EEA1: variants seen among roughly 807,000 people sequenced by gnomAD.
EEA1 encodes the protein early endosome antigen 1, 162kD.
In EEA1, 111 loss-of-function variants were observed where a neutral mutation model predicts 209.2. The observed-to-expected ratio is 0.53, with a 90% CI of 0.45 to 0.62. The LOEUF is 0.62. EEA1 is among the 20% of genes least tolerant of loss of function. The pLI, the probability that EEA1 is intolerant of heterozygous loss-of-function variation, is 0.00. For synonymous variants in EEA1, 536 were observed against 540.6 expected, an observed-to-expected ratio of 0.99 and a Z score of 0.12; for missense variants, 1,343 against 1,530.8, an observed-to-expected ratio of 0.88 and a Z score of 2.05.
intron 1 of EEA1, among the ~76,000 whole-genome samples, chr12:92,919,321 G>T (rs1207831539): frequency 6.8e-6 from 1 of 147,702 alleles, no homozygotes; most frequent in Non-Finnish European, 1.5e-5. Flanking sequence ...CAATATCCTT[G>T]ATGAACATTG....
At chr12:92,811,839 A>C (rs1220525777) in intron 16 of EEA1, among the ~76,000 whole-genome samples, 1 of 151,824 alleles carries the variant, frequency 6.6e-6, no homozygotes, top group Non-Finnish European at 1.5e-5. Context: ...TTTTCAATTC[A>C]TTTGGAATAT....
chr12:92,794,381 T>C (rs1874554706), intron 21 of EEA1, among the ~76,000 whole-genome samples: 1 of 152,130 alleles, frequency 6.6e-6, no homozygotes, highest in Non-Finnish European at 1.5e-5. Flanking sequence ...CATTACTGGG[T>C]AAATATCCAA....
intron 2 of EEA1, among the ~76,000 whole-genome samples, chr12:92,881,502 G>A (rs1043132533): frequency 1.3e-5 from 2 of 152,122 alleles, no homozygotes; most frequent in African/African-American, 4.8e-5. Flanking sequence ...ACATCTGGAG[G>A]TCAGTTGAAG....
intron 9 of EEA1, among the ~76,000 whole-genome samples, chr12:92,847,233 G>A (rs1044968931): frequency 2.6e-5 from 4 of 152,156 alleles, no homozygotes; most frequent in Non-Finnish European, 5.9e-5. Context: ...GGGATTACAG[G>A]TGTGAGCCAC....
intron 2 of EEA1, among the ~76,000 whole-genome samples, chr12:92,882,330 A>T (rs1324505607): frequency 6.6e-6 from 1 of 150,928 alleles, no homozygotes; most frequent in Non-Finnish European, 1.5e-5. Context: ...CTGGTCTCAA[A>T]CTCCTGACCT....
At chr12:92,863,418 T>G (rs3782352) in intron 3 of EEA1, among the ~76,000 whole-genome samples, 39,231 of 152,104 alleles carry the variant, frequency 0.26, 5,568 homozygotes, top group Non-Finnish European at 0.32. Flanking sequence ...CTACCAGCTT[T>G]TGAGGAAGTC....
chr12:92,792,713 C>A (rs1050776698), intron 21 of EEA1, among the ~76,000 whole-genome samples: 1 of 152,150 alleles, frequency 6.6e-6, no homozygotes, highest in African/African-American at 2.4e-5. Flanking sequence ...CAAAGAGGAG[C>A]TGGTACCATT....
At chr12:92,914,829 A>G (rs1218027455) in intron 1 of EEA1, among the ~76,000 whole-genome samples, 2 of 151,874 alleles carry the variant, frequency 1.3e-5, no homozygotes, top group Non-Finnish European at 2.9e-5. Context: ...ACGACCAACT[A>G]ATTTTTGTCT....
intron 1 of EEA1, 28 bp downstream of exon 1, chr12:92,929,015 T>C: frequency 6.3e-7 from 1 of 1,584,062 alleles, no homozygotes; most frequent in Non-Finnish European, 8.6e-7. Context: ...GCTCACGTGC[T>C]GCCAGAAAGA....
intron 1 of EEA1, among the ~76,000 whole-genome samples, chr12:92,897,848 C>T (rs1055594486): frequency 2.0e-5 from 3 of 152,120 alleles, no homozygotes; most frequent in African/African-American, 7.2e-5. Context: ...TCACTGAAGG[C>T]TCAAACGATT....
chr12:92,870,730 G>A (rs1288338604), intron 2 of EEA1, among the ~76,000 whole-genome samples: 4 of 151,906 alleles, frequency 2.6e-5, no homozygotes, highest in African/African-American at 9.7e-5. Context: ...AGGCTGGAGT[G>A]CACAGGCATG....
chr12:92,797,994 G>A (rs1419143495), intron 21 of EEA1, among the ~76,000 whole-genome samples: 2 of 152,020 alleles, frequency 1.3e-5, no homozygotes. Context: ...CAATTAACAT[G>A]GACATACTAA....
chr12:92,895,822 A>G (rs1303429021), intron 1 of EEA1, among the ~76,000 whole-genome samples: 2 of 152,130 alleles, frequency 1.3e-5, no homozygotes, highest in African/African-American at 2.4e-5. Flanking sequence ...TCATGGGAGG[A>G]AGTCAAAATA....
intron 2 of EEA1, among the ~76,000 whole-genome samples, chr12:92,876,830 CAAAAA>C (rs200862903): frequency 9.2e-6 from 1 of 108,324 alleles, no homozygotes; most frequent in East Asian, 3.0e-4. Flanking sequence ...AGCTGATCAC[CAAAAA>C]AAAAAAAAAA....
intron 1 of EEA1, among the ~76,000 whole-genome samples, chr12:92,923,075 C>T (rs1224088980): frequency 6.6e-6 from 1 of 151,980 alleles, no homozygotes; most frequent in African/African-American, 2.4e-5. Flanking sequence ...TGGCCGGGCG[C>T]GGTGGCTCAC....
intron 23 of EEA1, 53 bp downstream of exon 23, chr12:92,781,897 C>T (rs557178898): frequency 2.1e-4 from 325 of 1,524,552 alleles, no homozygotes; most frequent in Non-Finnish European, 2.6e-4. Context: ...TGGATGATCT[C>T]TAAGACAACT....
intron 13 of EEA1, among the ~76,000 whole-genome samples, chr12:92,825,642 T>G (rs7296955): frequency 0.93 from 140,656 of 151,862 alleles, 65,224 homozygotes; most frequent in East Asian, 1. Context: ...GTGTTCAGAT[T>G]ATGGTTATAA....
intron 22 of EEA1, 34 bp from the exon 23 acceptor site, chr12:92,782,169 C>A: frequency 6.5e-7 from 1 of 1,530,754 alleles, no homozygotes; most frequent in Non-Finnish European, 8.9e-7. Flanking sequence ...TTATTATATG[C>A]CATGTTTTTA....
chr12:92,858,091 G>A (rs1279198726), intron 3 of EEA1: 3 of 486,922 alleles, frequency 6.2e-6, no homozygotes, highest in Non-Finnish European at 1.2e-5. Flanking sequence ...ATGAACGGGA[G>A]CTCAACAGCT....
Sources: gnomAD v4.1 joint callset for allele counts (sites outside exome capture counted in the v4.1 genomes callset) on GRCh38, gnomAD v4.1.1 for gene constraint, MANE v1.5 for transcripts, NCBI Gene and HGNC (gene_info 2026-07-23, HGNC 2026-07-21) for gene names.